The following PLEK2 variants were observed in gnomAD, a reference collection of about 807,000 sequenced individuals.
PLEK2 encodes the protein pleckstrin-2.
In PLEK2, 29 loss-of-function variants were observed where a neutral mutation model predicts 43.8. The observed-to-expected ratio is 0.66, with a 90% confidence interval of 0.49 to 0.90. The LOEUF (loss-of-function observed/expected upper bound fraction) is 0.90, where lower values mean the gene tolerates loss of function less well. Among genes scored for constraint, PLEK2 ranks in the 40% least tolerant of loss-of-function variants. The pLI, the probability that PLEK2 is intolerant of heterozygous loss-of-function variation, is 0.00. For synonymous variants in PLEK2, 162 were observed against 173.2 expected (o/e 0.94, Z 0.51); for missense variants, 398 against 448.1 (o/e 0.89, Z 1.01).
chr14:67,392,586 G>A (rs2085977283), intron 5 of PLEK2, 76 bp downstream of exon 5: 2 of 1,373,742 alleles, frequency 1.5e-6, no homozygotes, highest in African/African-American at 1.4e-5. Context: ...CATGACTGTG[G>A]CCCCCAGGCC....
In PLEK2 at chr14:67,392,708, T is replaced by A. The variant is rs1266422267; in HGVS notation, c.623A>T (p.Asp208Val). 1.2e-6 allele frequency: 2 copies of A among 1,613,918 alleles called. No individual in the cohort carries two copies. The highest frequency in any genetic ancestry group is 2.7e-5 in the African/African-American group (2 of 74,908). ...GTCATCCAGGAACTGCTCGGCCAGA[T>A]CCCCAGAGCGAATGGCTCCCATGCT... ...VRSMGAIRSGDLAEQFLDDST... is the reference protein window; with the variant it reads ...VRSMGAIRSGVLAEQFLDDST... Residue 208 changes from aspartate (D) to valine (V), a missense_variant, in exon 5 of 9, where the codon GAT (aspartate) becomes GTT (valine). Transcript: ENST00000216446.
rs538317867 is a variant in PLEK2 at position 67,406,395 on chromosome 14, A to T, written c.42+5623T>A. 2.0e-5 allele frequency among the ~76,000 whole-genome samples: 3 copies of T among 152,270 alleles called. No individual in the cohort carries two copies. In the South Asian group the frequency reaches 6.2e-4, roughly 32 times the overall value. On this transcript the variant is annotated intron_variant, in intron 1 of 8. Transcript: ENST00000216446. ...GGTTAGGTACATTCCCAGGAGTGAT[A>T]CTGGGGCTCAGTCTTCCTGGTTGTG...
At chr14:67,410,484 C>T (rs577609897) in intron 1 of PLEK2, among the ~76,000 whole-genome samples, 21 of 152,280 alleles carry the variant, frequency 1.4e-4, no homozygotes, top group African/African-American at 4.8e-4. Context: ...TGCGAGAAAC[C>T]GGCCTATCAG....
chr14:67,408,632 G>A (rs1426530478), intron 1 of PLEK2, among the ~76,000 whole-genome samples: 1 of 152,120 alleles, frequency 6.6e-6, no homozygotes, highest in Non-Finnish European at 1.5e-5. Context: ...TGGTTGCACT[G>A]AAGTATTTAG....
At chr14:67,392,969 A>G (rs772344333) in intron 4 of PLEK2, 120 bp from the exon 5 acceptor site, 65 of 882,444 alleles carry the variant, frequency 7.4e-5, no homozygotes, top group Non-Finnish European at 1.0e-4. Flanking sequence ...GCAAGAGCAG[A>G]CTGAAGGCCA....
intron 8 of PLEK2, among the ~76,000 whole-genome samples, chr14:67,387,983 C>T (rs1345294552): frequency 1.3e-5 from 2 of 152,120 alleles, no homozygotes; most frequent in Non-Finnish European, 2.9e-5. Flanking sequence ...AGCTTATGGG[C>T]CATCAGCACA....
intron 6 of PLEK2, among the ~76,000 whole-genome samples, chr14:67,391,269 A>ATGTGTGTGTGTGTGTG (rs145218491): frequency 1.4e-3 from 199 of 139,630 alleles, no homozygotes; most frequent in African/African-American, 5.7e-3. Context: ...TAAGCAGCTG[A>ATGTGTGTGTGTGTGTG]TATGTGTGTG....
chr14:67,392,456 G>T lies in PLEK2; in HGVS notation c.670-29C>A, dbSNP rs368604605. The T allele has an allele frequency of 1.9e-6, 3 of 1,541,054 alleles. No individual in the cohort carries two copies. The African/African-American group carries it at 4.1e-5, about 21-fold the overall frequency. ...GGGGGAAGGAGGGAGCAAGGACTCT[G>T]CTACAGAAAAGACCCAGGCCCAGGC... On this transcript the variant is annotated intron_variant, in intron 5 of 8. Transcript: ENST00000216446.
chr14:67,402,824 T>C (rs770157896), intron 1 of PLEK2, among the ~76,000 whole-genome samples: 2 of 152,210 alleles, frequency 1.3e-5, no homozygotes, highest in African/African-American at 2.4e-5. Flanking sequence ...CATTCATGTG[T>C]TGGAGGACAC....
chr14:67,409,958 A>C (rs1467505916), intron 1 of PLEK2, among the ~76,000 whole-genome samples: 1 of 152,118 alleles, frequency 6.6e-6, no homozygotes, highest in East Asian at 1.9e-4. Context: ...TTCAGCCTGC[A>C]GGGAGGGGTG....
At chr14:67,392,075 A>T (rs1189134274) in intron 6 of PLEK2, among the ~76,000 whole-genome samples, 1 of 152,056 alleles carries the variant, frequency 6.6e-6, no homozygotes, top group Non-Finnish European at 1.5e-5. Context: ...TGATGTTGTG[A>T]TAATTGTGTG....
At chr14:67,404,121 C>T (rs769009999) in intron 1 of PLEK2, among the ~76,000 whole-genome samples, 18 of 151,846 alleles carry the variant, frequency 1.2e-4, no homozygotes, top group Non-Finnish European at 2.5e-4. Flanking sequence ...AGGAACACTG[C>T]TTATAATAAT....
At chr14:67,398,374 A>G (rs1436924127) in intron 1 of PLEK2, among the ~76,000 whole-genome samples, 8 of 151,978 alleles carry the variant, frequency 5.3e-5, no homozygotes, top group Admixed American at 5.2e-4. Flanking sequence ...CTCAGCAGAC[A>G]TTTCCCCATC....
At chr14:67,400,374 T>C (rs988751741) in intron 1 of PLEK2, among the ~76,000 whole-genome samples, 1 of 152,244 alleles carries the variant, frequency 6.6e-6, no homozygotes, top group Admixed American at 6.5e-5. Flanking sequence ...CCACATGTAG[T>C]ATGGGCATTG....
chr14:67,402,052 A>G (rs979144104), intron 1 of PLEK2, among the ~76,000 whole-genome samples: 7 of 152,024 alleles, frequency 4.6e-5, no homozygotes, highest in Admixed American at 2.6e-4. Context: ...AATCACTTAA[A>G]CTCAGGAGGC....
intron 1 of PLEK2, chr14:67,398,204 T>C (rs1335725662): frequency 6.3e-6 from 1 of 158,116 alleles, no homozygotes; most frequent in East Asian, 1.9e-4. Flanking sequence ...ATTTTACATA[T>C]AGTTTTATTT....
chr14:67,406,051 G>C (rs1422741935), intron 1 of PLEK2, among the ~76,000 whole-genome samples: 1 of 152,134 alleles, frequency 6.6e-6, no homozygotes, highest in African/African-American at 2.4e-5. Context: ...TTAAAGTCAA[G>C]AGTTTGAGAC....
intron 4 of PLEK2, 113 bp downstream of exon 4, chr14:67,393,037 G>A: frequency 1.1e-6 from 1 of 947,318 alleles, no homozygotes; most frequent in South Asian, 1.4e-5. Context: ...AGGCTAGCCT[G>A]TTGCCCAGCA....
chr14:67,397,934 A>T, intron 1 of PLEK2, 108 bp from the exon 2 acceptor site: 1 of 852,486 alleles, frequency 1.2e-6, no homozygotes, highest in Admixed American at 2.9e-5. Flanking sequence ...TGTGGAAATC[A>T]GTCTCCAAGG....
Sources: allele counts gnomAD v4.1 joint callset (sites outside exome capture counted in the v4.1 genomes callset), GRCh38; gene constraint gnomAD v4.1.1; transcripts MANE v1.5; gene names NCBI Gene and HGNC (gene_info 2026-07-23, HGNC 2026-07-21).